Variants in CDH23 observed in about 807,000 individuals in gnomAD.
CDH23 encodes the protein cadherin related 23, also known as cadherin-23.
In CDH23, 189 loss-of-function variants were observed where a neutral mutation model predicts 317.1. That is an observed-to-expected ratio of 0.60 (90% CI 0.53 to 0.67). CDH23 has a LOEUF of 0.67. CDH23 is among the 30% of genes least tolerant of loss of function. The pLI, the probability that CDH23 is intolerant of heterozygous loss-of-function variation, is 0.00. For synonymous variants in CDH23, 1,839 were observed against 1,876.8 expected, an observed-to-expected ratio of 0.98 and a Z score of 0.52; for missense variants, 4,401 against 4,592.4, an observed-to-expected ratio of 0.96 and a Z score of 1.20.
In CDH23 at chr10:71,753,295, C is replaced by T. The variant is rs543244756; in HGVS notation, c.4845+11374C>T. 3.9e-5 allele frequency among the ~76,000 whole-genome samples: 6 copies of T among 152,350 alleles called. No homozygotes were observed. In the East Asian group the frequency reaches 1.2e-3, roughly 29 times the overall value. The stretch of plus-strand genomic sequence containing the variant: ...CTGCCATCAGGAGACCAAAGGCAGC[C>T]AGCGCTTTCTCCTATGGCTTGACTT... On this transcript the variant is annotated intron_variant, in intron 38 of 69. Transcript: ENST00000224721.
intron 14 of CDH23, chr10:71,647,239 G>A: frequency 3.4e-6 from 1 of 291,296 alleles, no homozygotes; most frequent in Non-Finnish European, 5.1e-6. Context: ...GAGGTGGGCG[G>A]ATCACTTGAG....
At chr10:71,525,714 T>C (rs956035378) in intron 6 of CDH23, among the ~76,000 whole-genome samples, 2 of 152,164 alleles carry the variant, frequency 1.3e-5, no homozygotes, top group South Asian at 4.2e-4. Context: ...ACCACACTGC[T>C]GGGACACCAC....
chr10:71,521,357 A>G (rs1378690443), intron 6 of CDH23, among the ~76,000 whole-genome samples: 1 of 151,960 alleles, frequency 6.6e-6, no homozygotes, highest in Non-Finnish European at 1.5e-5. Context: ...GCCTTTTCCC[A>G]CTGACCCCTT....
intron 1 of CDH23, among the ~76,000 whole-genome samples, chr10:71,404,091 C>CA (rs1564559313): frequency 6.6e-6 from 1 of 151,934 alleles, no homozygotes; most frequent in South Asian, 2.1e-4. Flanking sequence ...GACCCTGTCT[C>CA]AAAAAAATAA....
In CDH23 at chr10:71,807,591, G is replaced by A. The variant is rs776710271; in HGVS notation, c.8384G>A (p.Arg2795Gln). The A allele has an allele frequency of 8.7e-6, 14 of 1,613,876 alleles. No homozygotes were observed. Among genetic ancestry groups the A allele is most frequent in the Admixed American group, 3.3e-5 (2 of 60,008 alleles). Residue 2795 changes from arginine to glutamine, a missense_variant, in exon 59 of 70, where the codon CGA becomes CAA. By Grantham distance (43) the Arg-to-Gln change is conservative (BLOSUM62 1). Around this residue, in one of 3 missense-constraint regions of CDH23, gnomAD observed 1,144 missense variants for 1,138.2 expected, o/e 1.01. Transcript: ENST00000224721. ...GTGCTGCGGGACCTGGACCGGGAGC[G>A]AGAAGCCATCTTCTCCTTCATCGTC... ...LLVLRDLDREREAIFSFIVKA... is the reference protein window; with the variant it reads ...LLVLRDLDREQEAIFSFIVKA...
intron 3 of CDH23, among the ~76,000 whole-genome samples, chr10:71,507,350 A>G (rs115906247): frequency 0.016 from 2,511 of 152,354 alleles, 58 homozygotes; most frequent in African/African-American, 0.053. Flanking sequence ...AGGGGAGGCT[A>G]GAAATTCATT....
chr10:71,622,408 T>C (rs1861508553), intron 11 of CDH23, among the ~76,000 whole-genome samples: 1 of 152,060 alleles, frequency 6.6e-6, no homozygotes, highest in Non-Finnish European at 1.5e-5. Context: ...GTTGCGCGGG[T>C]TGGAATTTTC....
At chr10:71,583,554 G>A (rs1858804280) in intron 9 of CDH23, among the ~76,000 whole-genome samples, 1 of 152,158 alleles carries the variant, frequency 6.6e-6, no homozygotes, top group African/African-American at 2.4e-5. Flanking sequence ...AGAGGCCAAG[G>A]GGGCATGGAG....
chr10:71,461,853 G>A (rs1851005566), intron 3 of CDH23, among the ~76,000 whole-genome samples: 1 of 152,178 alleles, frequency 6.6e-6, no homozygotes, highest in Non-Finnish European at 1.5e-5. Context: ...GCTCATGTTG[G>A]CAGTGCCCGG....
chr10:71,483,296 C>T (rs1172904872), intron 3 of CDH23, among the ~76,000 whole-genome samples: 1 of 152,222 alleles, frequency 6.6e-6, no homozygotes, highest in Non-Finnish European at 1.5e-5. Flanking sequence ...CCCAAGCCCA[C>T]AAGAGGCTGG....
intron 14 of CDH23, among the ~76,000 whole-genome samples, chr10:71,669,106 G>A (rs546250032): frequency 9.8e-5 from 15 of 152,294 alleles, no homozygotes; most frequent in African/African-American, 2.4e-4. Flanking sequence ...AGTGCTGAGC[G>A]CTGAGCGGCC....
rs916128264 is a variant in CDH23 at position 71,802,750 on chromosome 10, A to G, written c.7483-148A>G. ...TCAGGGGGTTAAATAAGTTGCTTCA[A>G]GTCAGACTCCAACACATTAGAAGAC... On this transcript the variant is annotated intron_variant, in intron 53 of 69. Coordinates refer to ENST00000224721, the MANE Select transcript of CDH23 (RefSeq NM_022124.6). 10 of 817,020 alleles carry G rather than the reference A, an allele frequency of 1.2e-5. No individual in the cohort carries two copies. In the Admixed American group the frequency reaches 2.3e-4, roughly 19 times the overall value. 50.6% of individuals were successfully genotyped at this position (817,020 alleles called of 1,614,324 possible). A position where few individuals can be genotyped will look rare whatever the true frequency, so the allele number is the denominator to read the frequency against.
At chr10:71,615,732 C>T (rs1861149701) in intron 10 of CDH23, 116 bp downstream of exon 10, 1 of 703,080 alleles carries the variant, frequency 1.4e-6, no homozygotes, top group African/African-American at 1.8e-5. Context: ...AAGCACTTCG[C>T]TTCCGTGCTC....
rs1840861998 is a variant in CDH23 at position 71,778,173 on chromosome 10, TC to T, written c.5068-13del. The stretch of plus-strand genomic sequence containing the variant: ...CACCCCTAGATCCATCCTTGTCCCT[TC>T]CCTGTGTCCCCCAGGGTGTCATCAC... On this transcript the variant is annotated splice_polypyrimidine_tract_variant and intron_variant, in intron 39 of 69. Transcript: ENST00000224721. The T allele has an allele frequency of 6.2e-7, 1 of 1,613,620 alleles. No individual in the cohort carries two copies. Among genetic ancestry groups the T allele is most frequent in the African/African-American group, 1.3e-5 (1 of 74,846 alleles).
rs536861238 is a variant in CDH23 at position 71,690,636 on chromosome 10, G to A, written c.2176+52G>A. On this transcript the variant is annotated intron_variant, in intron 20 of 69. Coordinates refer to ENST00000224721, the MANE Select transcript of CDH23 (RefSeq NM_022124.6). ...GGTCCTCCACACCCTGAGGCTGACT[G>A]TCCATACCCGGCCCCAGGACCAGCC... The A allele has an allele frequency of 7.2e-5, 96 of 1,324,882 alleles. No homozygotes were observed. In the African/African-American group the frequency reaches 1.3e-3, roughly 18 times the overall value. The allele number at this position is 1,324,882 out of a possible 1,614,324, so 82.1% of individuals were successfully genotyped here.
At chr10:71,748,807 G>C (rs984335842) in intron 38 of CDH23, 2 of 152,760 alleles carry the variant, frequency 1.3e-5, no homozygotes, top group African/African-American at 4.8e-5. Context: ...TCAGAGGGCG[G>C]CTCCAGCAGC....
At chr10:71,624,586 G>T (rs866694182) in intron 11 of CDH23, among the ~76,000 whole-genome samples, 38 of 152,224 alleles carry the variant, frequency 2.5e-4, no homozygotes, top group Middle Eastern at 3.4e-3. Context: ...TGTAGTCCCA[G>T]CTACTTGGGA....
chr10:71,678,223 A>G (rs1361826868), intron 16 of CDH23, among the ~76,000 whole-genome samples: 1 of 151,848 alleles, frequency 6.6e-6, no homozygotes, highest in African/African-American at 2.4e-5. Flanking sequence ...GACCTCCTCC[A>G]AGCCCTTTAA....
At chr10:71,484,094 G>A (rs941610146) in intron 3 of CDH23, among the ~76,000 whole-genome samples, 6 of 152,228 alleles carry the variant, frequency 3.9e-5, no homozygotes, top group African/African-American at 2.4e-5. Flanking sequence ...GTATCTGGAT[G>A]TGGGGGGTGA....
Sources: gnomAD v4.1 joint callset for allele counts (sites outside exome capture counted in the v4.1 genomes callset) on GRCh38, gnomAD v4.1.1 for gene constraint, gnomAD v4.1.1 regional missense constraint, MANE v1.5 for transcripts, NCBI Gene and HGNC (gene_info 2026-07-23, HGNC 2026-07-21) for gene names.